BAALC: variants seen among roughly 807,000 people sequenced by gnomAD.
The protein encoded by BAALC is brain and acute leukemia cytoplasmic protein.
A neutral mutation model predicts 15.5 loss-of-function variants in BAALC; 9 were observed. The observed-to-expected ratio is 0.58, with a 90% CI of 0.35 to 1.02. The LOEUF (loss-of-function observed/expected upper bound fraction) is 1.02. Among genes scored for constraint, BAALC ranks in the 50% least tolerant of loss-of-function variants. BAALC has a pLI of 0.02. For synonymous variants in BAALC, 80 were observed against 74.6 expected (o/e 1.07, Z -0.37); for missense variants, 201 against 192.4 (o/e 1.04, Z -0.27).
chr8:103,145,087 A>G (rs1008704295), intron 1 of BAALC, among the ~76,000 whole-genome samples: 4 of 152,226 alleles, frequency 2.6e-5, no homozygotes, highest in African/African-American at 9.7e-5. Flanking sequence ...GGGATATGCT[A>G]TGAAATTCTT....
intron 1 of BAALC, among the ~76,000 whole-genome samples, chr8:103,182,676 CAAG>C (rs993487708): frequency 1.3e-5 from 2 of 152,188 alleles, no homozygotes; most frequent in Non-Finnish European, 2.9e-5. Context: ...ACATCTCCAT[CAAG>C]AAGGCGCTAA....
chr8:103,225,593 C>A (rs1812789250), intron 2 of BAALC, among the ~76,000 whole-genome samples: 1 of 152,150 alleles, frequency 6.6e-6, no homozygotes, highest in Admixed American at 6.5e-5. Context: ...CAGCTGTAGT[C>A]TAGCCTCAGC....
Position 103,205,320 on chromosome 8 carries a change from A to G in BAALC, c.161-7599A>G, listed in dbSNP as rs373848854. Among the ~76,000 whole-genome samples the G allele has an allele frequency of 9.9e-5, 15 of 152,194 alleles. No individual in the cohort carries two copies. The East Asian group carries it at 2.5e-3, about 25-fold the overall frequency. On this transcript the variant is annotated intron_variant, in intron 1 of 2. Coordinates refer to ENST00000309982, the MANE Select transcript of BAALC (RefSeq NM_024812.3). ...GTTGCAATTTATCAGCAAGCTGTGG[A>G]CACAGCTATTTCCTATCTTTTGGCA...
chr8:103,202,734 A>G (rs1303227845), intron 1 of BAALC: 1 of 152,266 alleles, frequency 6.6e-6, no homozygotes, highest in African/African-American at 2.4e-5. Flanking sequence ...GGTGGGATAG[A>G]GAGCTGAATT....
chr8:103,191,268 ACTT>A (rs1251865740), intron 1 of BAALC: 1 of 151,894 alleles, frequency 6.6e-6, no homozygotes, highest in Non-Finnish European at 1.5e-5. Flanking sequence ...GTGGGGAACC[ACTT>A]CTTAGGCTGA....
At chr8:103,142,033 A>AAT (rs1431757357) in intron 1 of BAALC, among the ~76,000 whole-genome samples, 1 of 152,244 alleles carries the variant, frequency 6.6e-6, no homozygotes, top group African/African-American at 2.4e-5. Flanking sequence ...AAGCAAGGTC[A>AAT]ATATTTGGAT....
chr8:103,147,831 C>G lies in BAALC; in HGVS notation c.160+6774C>G, dbSNP rs193046499. ...CTCCTTCAGAGCCTCTCTGGCCAGT[C>G]TATATGCCACATTTACTCTCCTCTG... On this transcript the variant is annotated intron_variant, in intron 1 of 2. Transcript: ENST00000309982. Among the ~76,000 whole-genome samples the G allele has an allele frequency of 3.6e-3, 541 of 152,288 alleles. 1 individual carries two copies. The highest frequency in any genetic ancestry group is 0.012 in the African/African-American group (511 of 41,570).
In BAALC at chr8:103,169,108, A is replaced by G. The variant is rs552642687; in HGVS notation, c.160+28051A>G. Among the ~76,000 whole-genome samples the G allele has an allele frequency of 1.7e-3, 263 of 150,656 alleles. 1 individual carries two copies. Among genetic ancestry groups the G allele is most frequent in the African/African-American group, 6.2e-3 (253 of 40,514 alleles). On this transcript the variant is annotated intron_variant, in intron 1 of 2. Transcript: ENST00000309982. The stretch of plus-strand genomic sequence containing the variant: ...ATTTTCTCAAGTTATTATTATTATT[A>G]TATTTCTCCCTAGCCTGGTCCTCTA...
intron 1 of BAALC, among the ~76,000 whole-genome samples, chr8:103,185,951 T>A (rs1339502503): frequency 1.3e-5 from 2 of 152,208 alleles, no homozygotes; most frequent in African/African-American, 4.8e-5. Flanking sequence ...CATCTCTTGT[T>A]CATATGAAAC....
At chr8:103,177,583 G>T (rs1480692545) in intron 1 of BAALC, among the ~76,000 whole-genome samples, 3 of 151,284 alleles carry the variant, frequency 2.0e-5, no homozygotes, top group Non-Finnish European at 2.9e-5. Context: ...TTTTTACTCT[G>T]AGTACAGCAT....
At chr8:103,224,632 C>T (rs2130098621) in intron 2 of BAALC, among the ~76,000 whole-genome samples, 1 of 152,012 alleles carries the variant, frequency 6.6e-6, no homozygotes, top group African/African-American at 2.4e-5. Flanking sequence ...CTTATCTGAC[C>T]TAAAAGGGCA....
In BAALC at chr8:103,196,009, T is replaced by C. The variant is rs539184083; in HGVS notation, c.161-16910T>C. The stretch of plus-strand genomic sequence containing the variant: ...AAGGTGCCCCTTTCCCAAAAATTCA[T>C]GTTTAAGTCAAGATGGAGAATTAGG... On this transcript the variant is annotated intron_variant, in intron 1 of 2. Transcript: ENST00000309982. Among the ~76,000 whole-genome samples the C allele has an allele frequency of 1.3e-3, 201 of 152,154 alleles. 1 individual carries two copies. The highest frequency in any genetic ancestry group is 2.6e-3 in the Admixed American group (40 of 15,288).
intron 1 of BAALC, among the ~76,000 whole-genome samples, chr8:103,169,660 C>A (rs2129936239): frequency 6.6e-6 from 1 of 152,316 alleles, no homozygotes; most frequent in Non-Finnish European, 1.5e-5. Flanking sequence ...AATTTCCTAC[C>A]TGGAGGGCAC....
chr8:103,227,992 A>G lies in BAALC; in HGVS notation c.331A>G (p.Lys111Glu), dbSNP rs761841210. 6.2e-7 allele frequency: 1 copy of G among 1,608,792 alleles called. No individual in the cohort carries two copies. The highest frequency in any genetic ancestry group is 1.1e-5 in the South Asian group (1 of 90,796). Residue 111 changes from lysine to glutamate, a missense_variant, in exon 3 of 3, where the codon AAA (lysine) becomes GAA (glutamate). Lys to Glu is a moderately conservative substitution (Grantham distance 56). Coordinates refer to ENST00000309982, the MANE Select transcript of BAALC (RefSeq NM_024812.3). Reference protein sequence around the residue: ...KQNGLQTTEAKRDAKRMPAKE... With the variant: ...KQNGLQTTEAERDAKRMPAKE... ...TTCACTGTTTTCAACTTAACAGGCTAAAAGAGATGCTAAGAGAATGCCTGC... is the reference window on the plus strand; with the variant it reads ...TTCACTGTTTTCAACTTAACAGGCTGAAAGAGATGCTAAGAGAATGCCTGC...
intron 1 of BAALC, among the ~76,000 whole-genome samples, chr8:103,184,585 C>A (rs1563646762): frequency 6.6e-6 from 1 of 152,218 alleles, no homozygotes; most frequent in Admixed American, 6.5e-5. Flanking sequence ...AGAACTCAGT[C>A]CATCTGTCCT....
At chr8:103,185,660 G>T (rs1044550219) in intron 1 of BAALC, among the ~76,000 whole-genome samples, 1 of 152,232 alleles carries the variant, frequency 6.6e-6, no homozygotes, top group Non-Finnish European at 1.5e-5. Context: ...CTCACTGAGC[G>T]ATCTGGGGAG....
chr8:103,189,166 AAAG>A (rs565052999), intron 1 of BAALC, among the ~76,000 whole-genome samples: 295 of 152,336 alleles, frequency 1.9e-3, no homozygotes, highest in African/African-American at 6.4e-3. Context: ...CATGAAGAAA[AAAG>A]AAACAGAATA....
intron 1 of BAALC, among the ~76,000 whole-genome samples, chr8:103,191,700 T>C (rs1811971676): frequency 6.6e-6 from 1 of 151,880 alleles, no homozygotes; most frequent in African/African-American, 2.4e-5. Context: ...AACTGTTCCA[T>C]CAGAAAAACC....
intron 2 of BAALC, among the ~76,000 whole-genome samples, chr8:103,226,751 T>A (rs931133982): frequency 6.6e-5 from 10 of 152,240 alleles, no homozygotes; most frequent in African/African-American, 2.4e-4. Flanking sequence ...TCTATCCTAC[T>A]TTTTAAGCTT....
Sources: gnomAD v4.1 joint callset for allele counts (sites outside exome capture counted in the v4.1 genomes callset) on GRCh38, gnomAD v4.1.1 for gene constraint, MANE v1.5 for transcripts, NCBI Gene and HGNC (gene_info 2026-07-23, HGNC 2026-07-21) for gene names.